SPOCK3: variants seen among roughly 807,000 people sequenced by gnomAD.
SPOCK3 encodes testican-3.
A neutral mutation model predicts 56.6 loss-of-function variants in SPOCK3; 30 were observed. That is an observed-to-expected ratio of 0.53 (90% CI 0.40 to 0.72). The LOEUF (loss-of-function observed/expected upper bound fraction) is 0.72. SPOCK3 is among the 30% of genes least tolerant of loss of function. The pLI is 0.00. For synonymous variants in SPOCK3, 196 were observed against 183.3 expected (o/e 1.07, Z -0.56); for missense variants, 527 against 530.0 (o/e 0.99, Z 0.06).
intron 3 of SPOCK3, among the ~76,000 whole-genome samples, chr4:167,055,715 G>A (rs1034393817): frequency 2.6e-5 from 4 of 152,188 alleles, no homozygotes; most frequent in South Asian, 4.1e-4. Context: ...ACAGCAGTCT[G>A]AGATCAAACT....
intron 9 of SPOCK3, among the ~76,000 whole-genome samples, chr4:166,738,473 TTTATTA>T (rs1234138077): frequency 6.6e-6 from 1 of 151,574 alleles, no homozygotes; most frequent in Non-Finnish European, 1.5e-5. Context: ...TTTTTCTTTT[TTTATTA>T]TTATTATACT....
In SPOCK3 at chr4:167,036,556, A is replaced by C. The variant is rs1752773357; in HGVS notation, c.235+25936T>G. Among the ~76,000 whole-genome samples the C allele has an allele frequency of 2.6e-5, 4 of 152,308 alleles. No homozygotes were observed. The South Asian group carries it at 8.3e-4, about 32-fold the overall frequency. On this transcript the variant is annotated intron_variant, in intron 3 of 10. Coordinates refer to ENST00000357545, the MANE Select transcript of SPOCK3 (RefSeq NM_001040159.2). The stretch of plus-strand genomic sequence containing the variant: ...CTGTTATTTAGTGGCCTCTGAAATA[A>C]AAGACTTCTGATAGAGTAGCTCATG...
In SPOCK3 at chr4:167,161,429, G is replaced by A. The variant is rs529350498; in HGVS notation, c.189+72556C>T. ...GGATGTGGAGAAATAAGAACACTTC[G>A]ACACTGTTGGTGGGACTGTAAACTA... is the stretch of plus-strand genomic sequence containing the variant. On this transcript the variant is annotated intron_variant, in intron 2 of 10. Coordinates refer to ENST00000357545, the MANE Select transcript of SPOCK3 (RefSeq NM_001040159.2). Among the ~76,000 whole-genome samples the A allele has an allele frequency of 8.5e-5, 13 of 152,148 alleles. No individual in the cohort carries two copies. In the East Asian group the frequency reaches 1.9e-3, roughly 23 times the overall value.
At chr4:166,767,367 C>T (rs1383024155) in intron 7 of SPOCK3, among the ~76,000 whole-genome samples, 2 of 151,958 alleles carry the variant, frequency 1.3e-5, no homozygotes, top group Non-Finnish European at 2.9e-5. Context: ...TAAATGTGTC[C>T]CAGAGATTCT....
intron 3 of SPOCK3, among the ~76,000 whole-genome samples, chr4:167,022,955 AAC>A (rs1246015189): frequency 6.6e-6 from 1 of 152,022 alleles, no homozygotes; most frequent in East Asian, 1.9e-4. Context: ...AATCTTTTAT[AAC>A]AGTCAGCTCT....
Position 166,953,580 on chromosome 4 carries a change from A to G in SPOCK3, c.351-40837T>C, listed in dbSNP as rs199555100. Among the ~76,000 whole-genome samples, 42 of 152,262 alleles carry G rather than the reference A, an allele frequency of 2.8e-4. 1 individual carries two copies. The East Asian group carries it at 7.3e-3, about 27-fold the overall frequency. ...TACCATTTGACCCAGCCATCCCATTACTGGGTATATACCCAAAGGACTATA... is the reference window on the plus strand; with the variant it reads ...TACCATTTGACCCAGCCATCCCATTGCTGGGTATATACCCAAAGGACTATA... On this transcript the variant is annotated intron_variant, in intron 4 of 10. Transcript: ENST00000357545.
intron 3 of SPOCK3, among the ~76,000 whole-genome samples, chr4:167,038,478 C>T (rs1007053175): frequency 2.0e-5 from 3 of 151,894 alleles, no homozygotes; most frequent in Non-Finnish European, 2.9e-5. Flanking sequence ...TTCTCATTCC[C>T]GTGATTCACT....
chr4:167,049,108 CTTT>C (rs34903732), intron 3 of SPOCK3, among the ~76,000 whole-genome samples: 1 of 144,052 alleles, frequency 6.9e-6, no homozygotes, highest in Admixed American at 6.9e-5. Context: ...TTTTCTTTTT[CTTT>C]TTTTTTTTTT....
intron 2 of SPOCK3, among the ~76,000 whole-genome samples, chr4:167,213,712 T>C (rs982762437): frequency 6.7e-6 from 1 of 150,316 alleles, no homozygotes; most frequent in African/African-American, 2.5e-5. Context: ...AAGGCTTCAA[T>C]ATAAATACAT....
chr4:166,825,303 A>G (rs886337320), intron 6 of SPOCK3, among the ~76,000 whole-genome samples: 7 of 152,052 alleles, frequency 4.6e-5, no homozygotes, highest in African/African-American at 1.7e-4. Context: ...TGTTACGTTA[A>G]TTTACTACAA....
chr4:166,871,410 A>G (rs1272135353), intron 6 of SPOCK3, among the ~76,000 whole-genome samples: 1 of 152,122 alleles, frequency 6.6e-6, no homozygotes, highest in African/African-American at 2.4e-5. Flanking sequence ...AAGGATAACA[A>G]GATAGTATTA....
At chr4:166,975,405 G>T (rs1745836967) in intron 4 of SPOCK3, among the ~76,000 whole-genome samples, 7 of 151,870 alleles carry the variant, frequency 4.6e-5, no homozygotes, top group Admixed American at 4.6e-4. Context: ...AAATTTATGG[G>T]GGTACATGAG....
At chr4:166,955,565 A>C (rs1743328742) in intron 4 of SPOCK3, among the ~76,000 whole-genome samples, 1 of 144,934 alleles carries the variant, frequency 6.9e-6, no homozygotes, top group African/African-American at 2.5e-5. Flanking sequence ...TATATTATTA[A>C]ATTTAATATA....
intron 6 of SPOCK3, among the ~76,000 whole-genome samples, chr4:166,819,839 C>A (rs1376542137): frequency 1.3e-5 from 2 of 151,782 alleles, no homozygotes; most frequent in African/African-American, 2.4e-5. Context: ...CCTGCATGAG[C>A]TTTCCAAGTA....
intron 6 of SPOCK3, among the ~76,000 whole-genome samples, chr4:166,866,343 G>T (rs1202684217): frequency 6.6e-6 from 1 of 152,068 alleles, no homozygotes; most frequent in Non-Finnish European, 1.5e-5. Context: ...AGAAAACCTA[G>T]GCAATACCAT....
intron 4 of SPOCK3, among the ~76,000 whole-genome samples, chr4:166,986,364 GTCC>G (rs1288239612): frequency 6.6e-6 from 1 of 152,092 alleles, no homozygotes; most frequent in Non-Finnish European, 1.5e-5. Flanking sequence ...TGGAGAAACT[GTCC>G]TCCTTAAATT....
At chr4:167,179,534 T>C (rs1435273490) in intron 2 of SPOCK3, among the ~76,000 whole-genome samples, 1 of 152,198 alleles carries the variant, frequency 6.6e-6, no homozygotes, top group Admixed American at 6.5e-5. Context: ...GTAACTTTTA[T>C]TCATTCATAG....
chr4:167,020,668 C>T (rs1751079737), intron 3 of SPOCK3, among the ~76,000 whole-genome samples: 1 of 151,998 alleles, frequency 6.6e-6, no homozygotes, highest in Non-Finnish European at 1.5e-5. Context: ...TTCCCAGCCT[C>T]TAGATCTGTG....
chr4:167,234,190 A>G lies in SPOCK3; in HGVS notation c.1-17T>C. The G allele has an allele frequency of 8.8e-7, 1 of 1,140,506 alleles. No individual in the cohort carries two copies. The highest frequency in any genetic ancestry group is 1.3e-6 in the Non-Finnish European group (1 of 761,758). The allele number at this position is 1,140,506 out of a possible 1,614,324, so 70.6% of individuals were successfully genotyped here. On this transcript the variant is annotated splice_polypyrimidine_tract_variant and intron_variant, in intron 1 of 10. Coordinates refer to ENST00000357545, the MANE Select transcript of SPOCK3 (RefSeq NM_001040159.2). ...CTTGAGCATCTGGGAGAGGAGACAC[A>G]ACGGGGGGTGGGGGGGCATGTCAGT...
Sources: allele counts gnomAD v4.1 joint callset (sites outside exome capture counted in the v4.1 genomes callset), GRCh38; gene constraint gnomAD v4.1.1; transcripts MANE v1.5; gene names NCBI Gene and HGNC (gene_info 2026-07-23, HGNC 2026-07-21).